The following EVI5 variants were observed in gnomAD, a reference collection of about 807,000 sequenced individuals.
EVI5 encodes the protein ecotropic viral integration site 5.
Under a neutral mutation model 112.0 loss-of-function variants are expected in EVI5, and 73 were observed. The ratio of observed to expected loss-of-function variants is 0.65; its 90% CI spans 0.54 to 0.79. The LOEUF (loss-of-function observed/expected upper bound fraction) is 0.79, where lower values mean the gene tolerates loss of function less well. Ranked by LOEUF, EVI5 falls within the 30% of genes least tolerant of loss-of-function variation. The probability of loss-of-function intolerance (pLI) is 0.00; values close to 1 mark genes in which losing one functional copy is unlikely to be tolerated. For synonymous variants in EVI5, 305 were observed against 319.9 expected (o/e 0.95, Z 0.50); for missense variants, 900 against 968.8 (o/e 0.93, Z 0.94).
chr1:92,744,155 AATT>A (rs1311582356), intron 1 of EVI5, among the ~76,000 whole-genome samples: 1 of 152,202 alleles, frequency 6.6e-6, no homozygotes, highest in Non-Finnish European at 1.5e-5. Flanking sequence ...TTGTATAGAT[AATT>A]GTTAGTGATC....
intron 13 of EVI5, among the ~76,000 whole-genome samples, chr1:92,656,867 TAGTGC>T (rs1252648622): frequency 6.6e-6 from 1 of 151,366 alleles, no homozygotes; most frequent in African/African-American, 2.4e-5. Context: ...TAATAATGAG[TAGTGC>T]AATTAAATCA....
intron 19 of EVI5, among the ~76,000 whole-genome samples, chr1:92,550,775 AAAAAAAAT>A (rs1666701221): frequency 6.8e-5 from 3 of 43,992 alleles, no homozygotes; most frequent in African/African-American, 3.1e-4. Context: ...AAAAAAAAAA[AAAAAAAAT>A]ATATATATAT....
chr1:92,626,755 T>C (rs1029311382), intron 14 of EVI5, among the ~76,000 whole-genome samples: 2 of 152,148 alleles, frequency 1.3e-5, no homozygotes, highest in African/African-American at 2.4e-5. Flanking sequence ...TTTTTCAATA[T>C]GGCAATAAAC....
intron 19 of EVI5, among the ~76,000 whole-genome samples, chr1:92,534,399 T>C (rs895101816): frequency 2.0e-5 from 3 of 152,168 alleles, no homozygotes; most frequent in South Asian, 2.1e-4. Context: ...CAAGCTACCA[T>C]TGACTTTCTT....
intron 2 of EVI5, chr1:92,713,996 C>T: frequency 1.0e-6 from 1 of 978,662 alleles, no homozygotes; most frequent in African/African-American, 1.7e-5. Context: ...TTGAGACTTA[C>T]CTCCATAAAT....
At chr1:92,738,299 G>A (rs548061947) in intron 1 of EVI5, among the ~76,000 whole-genome samples, 2 of 152,092 alleles carry the variant, frequency 1.3e-5, no homozygotes, top group South Asian at 2.1e-4. Flanking sequence ...GCACAAATTC[G>A]CATCCCCAAA....
chr1:92,578,106 T>C (rs1305036755), intron 18 of EVI5, among the ~76,000 whole-genome samples: 2 of 152,204 alleles, frequency 1.3e-5, no homozygotes, highest in African/African-American at 4.8e-5. Flanking sequence ...CTGCATACCA[T>C]GACTTTTAAA....
At chr1:92,763,268 A>C (rs747313830) in intron 1 of EVI5, among the ~76,000 whole-genome samples, 1 of 152,188 alleles carries the variant, frequency 6.6e-6, no homozygotes, top group Non-Finnish European at 1.5e-5. Flanking sequence ...ACTTTGTCTC[A>C]AATAAATAAA....
chr1:92,681,141 T>C (rs1452115480), intron 9 of EVI5, among the ~76,000 whole-genome samples: 1 of 152,190 alleles, frequency 6.6e-6, no homozygotes, highest in African/African-American at 2.4e-5. Flanking sequence ...TTGAAAGTAA[T>C]GCAAAAACTG....
intron 13 of EVI5, among the ~76,000 whole-genome samples, chr1:92,642,008 G>A (rs1037676550): frequency 2.0e-5 from 3 of 152,030 alleles, no homozygotes; most frequent in African/African-American, 7.2e-5. Context: ...GCATGTACCT[G>A]TAGTCCCAGC....
intron 16 of EVI5, among the ~76,000 whole-genome samples, chr1:92,623,263 A>G (rs1195023004): frequency 6.6e-6 from 1 of 152,226 alleles, no homozygotes; most frequent in Non-Finnish European, 1.5e-5. Context: ...ATATAAGAAA[A>G]TAACTTTGAA....
At chr1:92,606,104 C>T (rs1650321496) in intron 17 of EVI5, among the ~76,000 whole-genome samples, 1 of 152,128 alleles carries the variant, frequency 6.6e-6, no homozygotes, top group Non-Finnish European at 1.5e-5. Flanking sequence ...TCAGAGTTTG[C>T]ATCTGTAACA....
intron 1 of EVI5, among the ~76,000 whole-genome samples, chr1:92,738,721 C>T (rs1343408323): frequency 6.6e-6 from 1 of 152,118 alleles, no homozygotes; most frequent in African/African-American, 2.4e-5. Flanking sequence ...TATTTAATTG[C>T]ATCTGCAATT....
At chr1:92,571,028 A>T (rs1413723128) in intron 18 of EVI5, among the ~76,000 whole-genome samples, 2 of 151,820 alleles carry the variant, frequency 1.3e-5, no homozygotes, top group East Asian at 3.8e-4. Flanking sequence ...GGAAAACTAT[A>T]TTTTTTATTA....
intron 2 of EVI5, among the ~76,000 whole-genome samples, chr1:92,727,426 G>A (rs551372315): frequency 6.6e-6 from 1 of 152,160 alleles, no homozygotes; most frequent in South Asian, 2.1e-4. Context: ...AATTTAAGTA[G>A]AAATTATGTA....
At chr1:92,696,805 A>G (rs2102490531) in intron 6 of EVI5, among the ~76,000 whole-genome samples, 1 of 152,304 alleles carries the variant, frequency 6.6e-6, no homozygotes, top group South Asian at 2.1e-4. Flanking sequence ...TTGGAAGGCC[A>G]AGGCGGGCGG....
In EVI5 at chr1:92,702,225, A is replaced by G. The variant is rs1347703306; in HGVS notation, c.565-10T>C. The G allele has an allele frequency of 6.9e-7, 1 of 1,455,580 alleles. No homozygotes were observed. Among genetic ancestry groups the G allele is most frequent in the East Asian group, 2.6e-5 (1 of 37,770 alleles). 90.2% of individuals were successfully genotyped at this position (1,455,580 alleles called of 1,614,324 possible). ...CTACTAAAGAGTAAGCCTAAAAAGT[A>G]AAAAAAAGTTGTTCAAAATACATGG... On this transcript the variant is annotated splice_polypyrimidine_tract_variant and intron_variant, in intron 4 of 19. Transcript: ENST00000684568.
chr1:92,673,773 T>C (rs532146634), intron 10 of EVI5, among the ~76,000 whole-genome samples: 67 of 152,328 alleles, frequency 4.4e-4, no homozygotes, highest in African/African-American at 1.6e-3. Context: ...GACATTATTA[T>C]CAAAATCTTC....
intron 10 of EVI5, among the ~76,000 whole-genome samples, chr1:92,667,545 T>C (rs1014865729): frequency 1.3e-5 from 2 of 152,232 alleles, no homozygotes; most frequent in African/African-American, 4.8e-5. Flanking sequence ...CAAGTCACTC[T>C]ACATTTTTAA....
Sources: allele counts gnomAD v4.1 joint callset (sites outside exome capture counted in the v4.1 genomes callset), GRCh38; gene constraint gnomAD v4.1.1; transcripts MANE v1.5; gene names NCBI Gene and HGNC (gene_info 2026-07-23, HGNC 2026-07-21).